The following QRICH2 variants were observed in gnomAD, a reference collection of about 807,000 sequenced individuals.
The protein encoded by QRICH2 is glutamine-rich protein 2.
QRICH2 carries 119 observed loss-of-function variants against 168.3 expected under a neutral mutation model. The ratio of observed to expected loss-of-function variants is 0.71; its 90% confidence interval spans 0.61 to 0.82. The LOEUF (loss-of-function observed/expected upper bound fraction) is 0.82, where lower values mean the gene tolerates loss of function less well. QRICH2 is among the 40% of genes least tolerant of loss of function. The probability of loss-of-function intolerance (pLI) is 0.00; values close to 1 mark genes in which losing one functional copy is unlikely to be tolerated. For synonymous variants in QRICH2, 894 were observed against 951.2 expected, an observed-to-expected ratio of 0.94 and a Z score of 1.11; for missense variants, 2,241 against 2,491.6, an observed-to-expected ratio of 0.90 and a Z score of 2.14.
chr17:76,278,325 C>T, intron 14 of QRICH2, 136 bp from the exon 15 acceptor site: 1 of 774,494 alleles, frequency 1.3e-6, no homozygotes, highest in South Asian at 1.7e-5. Flanking sequence ...CAGCTTGACC[C>T]CTCAGCAGTA....
At chr17:76,294,162 G>T in intron 3 of QRICH2, 141 bp from the exon 4 acceptor site, 1 of 1,115,090 alleles carries the variant, frequency 9.0e-7, no homozygotes, top group Non-Finnish European at 1.2e-6. Flanking sequence ...AGCTAAGCTT[G>T]ACATAAAGAA....
Position 76,281,982 on chromosome 17 carries a change from C to T in QRICH2, c.4145G>A (p.Cys1382Tyr). The T allele has an allele frequency of 3.1e-6, 5 of 1,613,564 alleles. No homozygotes were observed. Among genetic ancestry groups the T allele is most frequent in the Non-Finnish European group, 4.2e-6 (5 of 1,179,870 alleles). The change falls in exon 8 of 19, where the codon TGC becomes TAC. Residue 1382 changes from cysteine (C) to tyrosine (Y), a missense_variant. Physicochemically the swap from Cys to Tyr is radical, Grantham distance 194 (BLOSUM62 -2). Coordinates refer to ENST00000680821, the MANE Select transcript of QRICH2 (RefSeq NM_001388453.1). This position sits in a 1 kb window ranked among gnomAD's most constrained non-coding sequence, Gnocchi z 4.4. ...GACCTGATGGCTCACATCCAGGCTGCAGGCTGGACAGGTGGCCTCAGGGTC... is the reference window on the plus strand; with the variant it reads ...GACCTGATGGCTCACATCCAGGCTGTAGGCTGGACAGGTGGCCTCAGGGTC... The part of the protein sequence containing the change: ...QIDPEATCPA[C>Y]SLDVSHQVST...
Position 76,291,179 on chromosome 17 carries a change from A to G in QRICH2, c.3548T>C (p.Leu1183Pro), listed in dbSNP as rs772323050. The G allele has an allele frequency of 7.1e-5, 115 of 1,614,052 alleles. No individual in the cohort carries two copies. The highest frequency in any genetic ancestry group is 9.3e-5 in the Non-Finnish European group (110 of 1,180,012). ...GGGGAAACTAGAACTCATTCTACGC[A>G]GTGAATTGCGTCGCTCACTCAGGAC... is the stretch of plus-strand genomic sequence containing the variant. ...SEVLSERRNS[L>P]RRMSSSFPTA... Residue 1183 changes from leucine (L) to proline (P), a missense_variant, in exon 4 of 19, where the codon CTG becomes CCG. Physicochemically the swap from Leu to Pro is moderately conservative, Grantham distance 98. This residue lies in a region of QRICH2 where 2,047 missense variants were observed against 2,303.8 expected (regional missense o/e 0.89). Coordinates refer to ENST00000680821, the MANE Select transcript of QRICH2 (RefSeq NM_001388453.1).
At chr17:76,284,585 G>A (rs1448127213) in intron 7 of QRICH2, among the ~76,000 whole-genome samples, 4 of 151,782 alleles carry the variant, frequency 2.6e-5, no homozygotes, top group East Asian at 1.9e-4. Flanking sequence ...TTGGGAGACC[G>A]AGGCGGGTGG....
In QRICH2 at chr17:76,278,130, C is replaced by T; in HGVS notation, c.4976G>A (p.Gly1659Glu). ...CTTGGAGTGCATGGAGCGCAGGCGC[C>T]CCACGCTCTGCTCCATCTGCGCCAG... ...GDLAQMEQSVGRLRSMHSKML... is the reference protein window; with the variant it reads ...GDLAQMEQSVERLRSMHSKML... Residue 1659 changes from glycine (G) to glutamate (E), a missense_variant, in exon 15 of 19, where the codon GGG becomes GAG. Physicochemically the swap from Gly to Glu is moderately conservative, Grantham distance 98. Around this residue, in one of 3 missense-constraint regions of QRICH2, gnomAD observed 2,047 missense variants for 2,303.8 expected, o/e 0.89. Coordinates refer to ENST00000680821, the MANE Select transcript of QRICH2 (RefSeq NM_001388453.1). 1.2e-6 allele frequency: 2 copies of T among 1,612,914 alleles called. No homozygotes were observed. Among genetic ancestry groups the T allele is most frequent in the Non-Finnish European group, 1.7e-6 (2 of 1,180,030 alleles).
rs62621822 is a variant in QRICH2 at position 76,293,927 on chromosome 17, G to T, written c.800C>A (p.Pro267Gln). The part of the protein sequence containing the change: ...GTLSGDSTKQ[P>Q]SIEQALDSAS... ...AGAATCCAGAGCCTGCTCAATACTTGGTTGCTTGGTAGAGTCTCCGCTTAG... is the reference window on the plus strand; with the variant it reads ...AGAATCCAGAGCCTGCTCAATACTTTGTTGCTTGGTAGAGTCTCCGCTTAG... The change falls in exon 4 of 19, where the codon CCA (proline) becomes CAA (glutamine). Residue 267 changes from proline to glutamine, a missense_variant. Physicochemically the swap from Pro to Gln is moderately conservative, Grantham distance 76. Coordinates refer to ENST00000680821, the MANE Select transcript of QRICH2 (RefSeq NM_001388453.1). 42,041 of 1,614,120 alleles carry T rather than the reference G, an allele frequency of 0.026. 669 individuals carry two copies. The highest frequency in any genetic ancestry group is 0.032 in the Non-Finnish European group (38,226 of 1,180,012).
upstream of QRICH2, chr17:76,310,033 T>A (rs2071053328): frequency 1.3e-5 from 2 of 151,356 alleles, no homozygotes; most frequent in African/African-American, 4.9e-5. Flanking sequence ...TCACTTGGGC[T>A]GGAGTGCAGT....
At chr17:76,283,611 C>T (rs777581739) in intron 7 of QRICH2, among the ~76,000 whole-genome samples, 5 of 151,992 alleles carry the variant, frequency 3.3e-5, no homozygotes, top group Admixed American at 2.6e-4. Context: ...ACGTGGCTCA[C>T]GCCTGTAATC....
In QRICH2 at chr17:76,293,221, C is replaced by T. The variant is rs79383078; in HGVS notation, c.1506G>A (p.Gln502=). ...QRGCVISGMG[Q]QGLVPPGIDQ... Reference sequence around the variant, plus strand: ...CTATACCAGGGGGTACTAGTCCTTGCTGACCCATGCCTGATATTACACATC... The same window carrying T: ...CTATACCAGGGGGTACTAGTCCTTGTTGACCCATGCCTGATATTACACATC... The change falls in exon 4 of 19, where the codon CAG becomes CAA. Residue 502 remains glutamine (Q), a synonymous_variant. Transcript: ENST00000680821. 3.3e-4 allele frequency: 538 copies of T among 1,614,108 alleles called. 1 individual carries two copies. In the African/African-American group the frequency reaches 6.7e-3, roughly 20 times the overall value.
chr17:76,295,174 G>A lies in QRICH2; in HGVS notation c.706-1153C>T, dbSNP rs752724976. 2.6e-4 allele frequency among the ~76,000 whole-genome samples: 39 copies of A among 151,950 alleles called. 1 individual carries two copies. The highest frequency in any genetic ancestry group is 7.7e-4 in the African/African-American group (32 of 41,426). Reference sequence around the variant, plus strand: ...CTTGGGAGGACAAGTCATGAGAATCGCCTGAACCCAGGAGGCAGAGGTTAC... The same window carrying A: ...CTTGGGAGGACAAGTCATGAGAATCACCTGAACCCAGGAGGCAGAGGTTAC... On this transcript the variant is annotated intron_variant, in intron 3 of 18. Coordinates refer to ENST00000680821, the MANE Select transcript of QRICH2 (RefSeq NM_001388453.1).
At chr17:76,285,968 T>G (rs557932118) in intron 7 of QRICH2, among the ~76,000 whole-genome samples, 39 of 151,802 alleles carry the variant, frequency 2.6e-4, no homozygotes, top group African/African-American at 6.0e-4. Flanking sequence ...GTCAGGAGAT[T>G]GAGACCATCC....
chr17:76,304,085 T>C (rs555773683), intron 3 of QRICH2, among the ~76,000 whole-genome samples: 2 of 152,092 alleles, frequency 1.3e-5, no homozygotes, highest in African/African-American at 2.4e-5. Context: ...GCTAAAAAAA[T>C]TGGGTACCAA....
chr17:76,278,923 C>T (rs948504591), intron 14 of QRICH2, 118 bp downstream of exon 14: 28 of 847,418 alleles, frequency 3.3e-5, no homozygotes, highest in Non-Finnish European at 3.9e-5. Context: ...CACTGTCCCA[C>T]AGCACTGCCT....
intron 1 of QRICH2, among the ~76,000 whole-genome samples, chr17:76,306,246 G>C (rs543262287): frequency 6.7e-6 from 1 of 149,790 alleles, no homozygotes; most frequent in South Asian, 2.1e-4. Context: ...AGTTTGAAAA[G>C]GAAAGCAGAC....
In QRICH2 at chr17:76,280,319, G is replaced by A. The variant is rs2070763864; in HGVS notation, c.4594C>T (p.Leu1532=). 1 of 1,614,194 alleles carries A rather than the reference G, an allele frequency of 6.2e-7. No individual in the cohort carries two copies. The highest frequency in any genetic ancestry group is 8.5e-7 in the Non-Finnish European group (1 of 1,180,020). Residue 1532 remains leucine (L), a synonymous_variant, in exon 11 of 19, where the codon CTG becomes TTG. Transcript: ENST00000680821. The surrounding 1 kb of genome is among the most constrained non-coding windows in gnomAD (Gnocchi z 7.4). ...SGQEQDWQKM[L]DRLLTEMDNK... Reference sequence around the variant, plus strand: ...TCCATCTCTGTGAGCAGCCTGTCCAGCATCTTCTGCCAGTCCTGCTCCTGC... The same window carrying A: ...TCCATCTCTGTGAGCAGCCTGTCCAACATCTTCTGCCAGTCCTGCTCCTGC...
rs1358703414 is a variant in QRICH2, at chr17:76,281,072, G to A, written c.4264-119C>T. On this transcript the variant is annotated intron_variant, in intron 8 of 18. Transcript: ENST00000680821. This position sits in a 1 kb window ranked among gnomAD's most constrained non-coding sequence, Gnocchi z 4.4. ...TAAAACATCTGCAAGGCTGGGAGCG[G>A]TGGCTCATGCCTGTAGTCCTGGCAC... The A allele has an allele frequency of 7.2e-7, 1 of 1,380,780 alleles. No homozygotes were observed. Among genetic ancestry groups the A allele is most frequent in the African/African-American group, 1.4e-5 (1 of 69,684 alleles). The allele number at this position is 1,380,780 out of a possible 1,614,324, so 85.5% of individuals were successfully genotyped here.
At chr17:76,305,183 A>T (rs141192538) in intron 1 of QRICH2, among the ~76,000 whole-genome samples, 8,921 of 110,412 alleles carry the variant, frequency 0.081, 530 homozygotes, top group African/African-American at 0.25. Flanking sequence ...TTTTTTTTTG[A>T]GACAGGGTCT....
At position 76,292,650 on chromosome 17, in the gene QRICH2, G is replaced by A. The variant is rs541767443; in HGVS notation, c.2077C>T (p.Pro693Ser). The A allele has an allele frequency of 3.9e-5, 63 of 1,613,958 alleles. No homozygotes were observed. The highest frequency in any genetic ancestry group is 4.8e-5 in the Non-Finnish European group (57 of 1,180,030). ...ACCACATCAATCTGATCTGCACCAG[G>A]TTGGACCAAGCCAGGCTGATATGCA... Reference protein sequence around the residue: ...PGAYQPGLVQPGADQIDVVQP... With the variant: ...PGAYQPGLVQSGADQIDVVQP... Residue 693 changes from proline to serine, a missense_variant, in exon 4 of 19, where the codon CCT becomes TCT. This residue lies in a region of QRICH2 where 2,047 missense variants were observed against 2,303.8 expected (regional missense o/e 0.89). Coordinates refer to ENST00000680821, the MANE Select transcript of QRICH2 (RefSeq NM_001388453.1).
chr17:76,310,638 T>C (rs951306994), upstream of QRICH2: 3 of 152,060 alleles, frequency 2.0e-5, no homozygotes, highest in Non-Finnish European at 4.4e-5. Flanking sequence ...TGGCTAATTT[T>C]TGTATTTTTT....
Sources: gnomAD v4.1 joint callset for allele counts (sites outside exome capture counted in the v4.1 genomes callset) on GRCh38, gnomAD v4.1.1 for gene constraint, gnomAD v4.1.1 regional missense constraint, Gnocchi (gnomAD v3.1) non-coding constraint, MANE v1.5 for transcripts, NCBI Gene and HGNC (gene_info 2026-07-23, HGNC 2026-07-21) for gene names.